MCPH1: variants seen among roughly 807,000 people sequenced by gnomAD.
The protein encoded by MCPH1 is microcephalin 1, also known as microcephalin.
Under a neutral mutation model 84.5 loss-of-function variants are expected in MCPH1, and 104 were observed. The ratio of observed to expected loss-of-function variants is 1.23; its 90% CI spans 1.05 to 1.45. The LOEUF is 1.45. Ranked by LOEUF, MCPH1 falls within the 40% of genes most tolerant of loss-of-function variation. The pLI, the probability that MCPH1 is intolerant of heterozygous loss-of-function variation, is 0.00. For missense variants in MCPH1, 1,498 were observed against 1,005.7 expected (o/e 1.49, Z -6.62); for synonymous variants, 514 against 366.8 (o/e 1.40, Z -4.58).
chr8:6,406,693 A>C lies in MCPH1; in HGVS notation c.22+4A>C. 1.2e-6 allele frequency: 2 copies of C among 1,612,056 alleles called. No homozygotes were observed. Among genetic ancestry groups the C allele is most frequent in the South Asian group, 1.1e-5 (1 of 90,868 alleles). On this transcript the variant is annotated splice_donor_region_variant and intron_variant, in intron 1 of 13. Transcript: ENST00000344683. ...ATGGCGGCCCCCATCCTGAAAGGTGAGGTACTTCCTGCTGCCTGCTCCAGC... is the reference window on the plus strand; with the variant it reads ...ATGGCGGCCCCCATCCTGAAAGGTGCGGTACTTCCTGCTGCCTGCTCCAGC...
At chr8:6,626,150 G>C (rs1266052787) in intron 13 of MCPH1, 4 of 985,150 alleles carry the variant, frequency 4.1e-6, no homozygotes, top group Non-Finnish European at 4.8e-6. Context: ...AATTTCTTTC[G>C]ACCTCAGCTC....
intron 12 of MCPH1, among the ~76,000 whole-genome samples, chr8:6,602,256 C>T (rs1462257076): frequency 6.6e-6 from 1 of 152,212 alleles, no homozygotes; most frequent in Non-Finnish European, 1.5e-5. Context: ...GCACCAAGAG[C>T]AGGGCGGTGC....
intron 13 of MCPH1, among the ~76,000 whole-genome samples, chr8:6,641,041 G>C (rs559211310): frequency 6.6e-6 from 1 of 152,056 alleles, no homozygotes; most frequent in East Asian, 1.9e-4. Context: ...TTGATATCTG[G>C]TATGTCAAAT....
intron 11 of MCPH1, among the ~76,000 whole-genome samples, chr8:6,484,594 T>G (rs1262555810): frequency 6.6e-6 from 1 of 152,240 alleles, no homozygotes; most frequent in Non-Finnish European, 1.5e-5. Context: ...GCCTTACTTA[T>G]CATCAGCTGG....
chr8:6,633,000 A>C (rs1206512698), intron 13 of MCPH1, among the ~76,000 whole-genome samples: 1 of 151,278 alleles, frequency 6.6e-6, no homozygotes, highest in African/African-American at 2.4e-5. Flanking sequence ...GCAGTAGGGA[A>C]GATTCAATGC....
At chr8:6,628,964 G>C (rs1796964898) in intron 13 of MCPH1, among the ~76,000 whole-genome samples, 1 of 152,226 alleles carries the variant, frequency 6.6e-6, no homozygotes, top group Non-Finnish European at 1.5e-5. Context: ...TTGCATATTA[G>C]ACAGTCAGTG....
intron 13 of MCPH1, among the ~76,000 whole-genome samples, chr8:6,638,383 C>T (rs1374258016): frequency 6.6e-6 from 1 of 152,026 alleles, no homozygotes; most frequent in African/African-American, 2.4e-5. Context: ...TACATTGTAC[C>T]ATTAACCACA....
intron 12 of MCPH1, among the ~76,000 whole-genome samples, chr8:6,610,358 A>G (rs1388418434): frequency 6.6e-6 from 1 of 152,220 alleles, no homozygotes; most frequent in South Asian, 2.1e-4. Context: ...TACTTAACCT[A>G]ATCAAGCCAT....
At chr8:6,462,780 T>C (rs1481329079) in intron 9 of MCPH1, among the ~76,000 whole-genome samples, 1 of 152,236 alleles carries the variant, frequency 6.6e-6, no homozygotes, top group Non-Finnish European at 1.5e-5. Flanking sequence ...TGCTAATTAA[T>C]TGAGTTGAAA....
intron 12 of MCPH1, among the ~76,000 whole-genome samples, chr8:6,553,998 C>T (rs771555264): frequency 1.1e-4 from 16 of 151,846 alleles, no homozygotes; most frequent in East Asian, 1.9e-4. Context: ...CATAGAGAGA[C>T]GAGCGCACAA....
At chr8:6,503,282 A>C (rs56144883) in intron 12 of MCPH1, 1 of 1,613,842 alleles carries the variant, frequency 6.2e-7, no homozygotes, top group East Asian at 2.2e-5. Flanking sequence ...AAAACACAGA[A>C]GGAATTAGGA....
Position 6,444,854 on chromosome 8 carries a change from A to T in MCPH1, c.1132A>T (p.Arg378Trp), listed in dbSNP as rs750182509. The T allele has an allele frequency of 1.1e-5, 18 of 1,614,236 alleles. No homozygotes were observed. The East Asian group carries it at 3.8e-4, about 34-fold the overall frequency. Residue 378 changes from arginine (R) to tryptophan (W), a missense_variant, in exon 8 of 14, where the codon AGG (arginine) becomes TGG (tryptophan). Physicochemically the swap from Arg to Trp is moderately radical, Grantham distance 101. Transcript: ENST00000344683. ...AAAATGCAAGAGAAAGAGGAGCACCAGGAGATCTATCATGCCGAGGCTGCA... is the reference window on the plus strand; with the variant it reads ...AAAATGCAAGAGAAAGAGGAGCACCTGGAGATCTATCATGCCGAGGCTGCA... ...KEKCKRKRST[R>W]RSIMPRLQLC...
intron 11 of MCPH1, among the ~76,000 whole-genome samples, chr8:6,486,865 T>C (rs1449187426): frequency 6.6e-6 from 1 of 152,186 alleles, no homozygotes; most frequent in Non-Finnish European, 1.5e-5. Context: ...CATAGCACAA[T>C]TTGAACCTTT....
chr8:6,545,373 T>G (rs1822393693), intron 12 of MCPH1, among the ~76,000 whole-genome samples: 1 of 152,212 alleles, frequency 6.6e-6, no homozygotes, highest in Non-Finnish European at 1.5e-5. Flanking sequence ...TTTTAAAAAC[T>G]AAAAGACATT....
chr8:6,563,163 T>A, intron 12 of MCPH1: 1 of 415,202 alleles, frequency 2.4e-6, no homozygotes, highest in South Asian at 4.2e-5. Flanking sequence ...ACAGTCCTGC[T>A]CACTTGGGAG....
chr8:6,513,136 T>C (rs1185484572), intron 12 of MCPH1, among the ~76,000 whole-genome samples: 1 of 152,198 alleles, frequency 6.6e-6, no homozygotes, highest in Non-Finnish European at 1.5e-5. Flanking sequence ...TTCTAGGCTT[T>C]GAAGATACAC....
At chr8:6,574,037 T>G (rs1410566430) in intron 12 of MCPH1, among the ~76,000 whole-genome samples, 2 of 152,144 alleles carry the variant, frequency 1.3e-5, no homozygotes, top group East Asian at 3.9e-4. Flanking sequence ...AATGGGCAAC[T>G]CACAGACAAA....
At chr8:6,422,881 G>C (rs1280028108) in intron 3 of MCPH1, among the ~76,000 whole-genome samples, 2 of 151,944 alleles carry the variant, frequency 1.3e-5, no homozygotes, top group African/African-American at 4.8e-5. Flanking sequence ...GTAGAGACGG[G>C]GTTTCACTGT....
At chr8:6,604,342 G>C (rs1416274261) in intron 12 of MCPH1, among the ~76,000 whole-genome samples, 1 of 152,224 alleles carries the variant, frequency 6.6e-6, no homozygotes, top group Non-Finnish European at 1.5e-5. Context: ...CCGAGAAGTA[G>C]AAACTAGGTG....
Sources: gnomAD v4.1 joint callset for allele counts (sites outside exome capture counted in the v4.1 genomes callset) on GRCh38, gnomAD v4.1.1 for gene constraint, MANE v1.5 for transcripts, NCBI Gene and HGNC (gene_info 2026-07-23, HGNC 2026-07-21) for gene names.